HTR2A: variants seen among roughly 807,000 people sequenced by gnomAD.
HTR2A encodes the protein 5-hydroxytryptamine receptor 2A.
In HTR2A, 14 loss-of-function variants were observed where a neutral mutation model predicts 31.0. The ratio of observed to expected loss-of-function variants is 0.45; its 90% CI spans 0.30 to 0.71. The LOEUF is 0.71. Among genes scored for constraint, HTR2A ranks in the 30% least tolerant of loss-of-function variants. The pLI, the probability that HTR2A is intolerant of heterozygous loss-of-function variation, is 0.09. For synonymous variants in HTR2A, 209 were observed against 225.2 expected (o/e 0.93, Z 0.64); for missense variants, 442 against 573.3 (o/e 0.77, Z 2.34).
In HTR2A at chr13:46,834,359, T is replaced by C. The variant is rs1876356439; in HGVS notation, c.*478A>G. 6.5e-6 allele frequency: 1 copy of C among 153,198 alleles called. No individual in the cohort carries two copies. The highest frequency in any genetic ancestry group is 1.5e-5 in the Non-Finnish European group (1 of 68,518). The allele number at this position is 153,198 out of a possible 1,614,324, so 9.5% of individuals were successfully genotyped here. A position where few individuals can be genotyped will look rare whatever the true frequency, so the allele number is the denominator to read the frequency against. ...GACCTTAGTGGCTTTTTTTTTCTCC[T>C]TTCAAAATATATACCATAGTAAGTT... On this transcript the variant is annotated 3_prime_UTR_variant, in exon 4 of 4. Transcript: ENST00000542664.
At chr13:46,873,442 ATT>A in intron 3 of HTR2A, among the ~76,000 whole-genome samples, 2 of 147,470 alleles carry the variant, frequency 1.4e-5, no homozygotes, top group Non-Finnish European at 3.0e-5. Flanking sequence ...TATTATTATT[ATT>A]ATTATTATTA....
chr13:46,858,707 A>G (rs1049150562), intron 3 of HTR2A, among the ~76,000 whole-genome samples: 2 of 152,166 alleles, frequency 1.3e-5, no homozygotes, highest in Admixed American at 6.5e-5. Flanking sequence ...AGGAAGAAGG[A>G]ATGAATTTTA....
intron 3 of HTR2A, among the ~76,000 whole-genome samples, chr13:46,843,323 G>C (rs1292062232): frequency 6.6e-6 from 1 of 152,114 alleles, no homozygotes; most frequent in East Asian, 1.9e-4. Context: ...AGTATATATA[G>C]GGTTCAGTAC....
At chr13:46,862,855 G>A (rs2138216048) in intron 3 of HTR2A, among the ~76,000 whole-genome samples, 1 of 152,258 alleles carries the variant, frequency 6.6e-6, no homozygotes, top group East Asian at 1.9e-4. Context: ...AAAATTATAG[G>A]GGGATAATTA....
rs559628837 is a variant in HTR2A at position 46,866,641 on chromosome 13, C to T, written c.613+25749G>A. ...TAGGAACTGGGGAGTCATCAGTGAA[C>T]TAGACTAAAAACTTCTACCCTCATG... On this transcript the variant is annotated intron_variant, in intron 3 of 3. Coordinates refer to ENST00000542664, the MANE Select transcript of HTR2A (RefSeq NM_000621.5). Among the ~76,000 whole-genome samples, 3 of 152,274 alleles carry T rather than the reference C, an allele frequency of 2.0e-5. No individual in the cohort carries two copies. The South Asian group carries it at 6.2e-4, about 32-fold the overall frequency.
chr13:46,865,292 T>G (rs1950810451), intron 3 of HTR2A, among the ~76,000 whole-genome samples: 3 of 151,584 alleles, frequency 2.0e-5, no homozygotes, highest in Admixed American at 1.3e-4. Flanking sequence ...ATGTGTCAGC[T>G]AGCTGAGAAA....
chr13:46,884,293 CTG>C (rs925967862), intron 3 of HTR2A, among the ~76,000 whole-genome samples: 4 of 152,194 alleles, frequency 2.6e-5, no homozygotes, highest in Admixed American at 6.5e-5. Context: ...CAATTTCAGA[CTG>C]TGGTTAACTG....
At chr13:46,869,462 G>A (rs993104566) in intron 3 of HTR2A, among the ~76,000 whole-genome samples, 1 of 152,110 alleles carries the variant, frequency 6.6e-6, no homozygotes, top group African/African-American at 2.4e-5. Flanking sequence ...CAGAACCCTT[G>A]TACGTTGATG....
chr13:46,888,909 G>C (rs1418612228), intron 3 of HTR2A, among the ~76,000 whole-genome samples: 2 of 152,166 alleles, frequency 1.3e-5, no homozygotes, highest in African/African-American at 4.8e-5. Flanking sequence ...AAAGGGGAAT[G>C]ATGAATTGAC....
Position 46,834,761 on chromosome 13 carries a change from T to G in HTR2A, c.*76A>C. The G allele has an allele frequency of 8.4e-7, 1 of 1,184,468 alleles. No homozygotes were observed. The highest frequency in any genetic ancestry group is 1.2e-6 in the Non-Finnish European group (1 of 844,566). The allele number at this position is 1,184,468 out of a possible 1,614,324, so 73.4% of individuals were successfully genotyped here. ...ACTAGACTTGTCTAATTTTTTCCAA[T>G]CTCATATTTTTTTTTTTCCAGATAG... On this transcript the variant is annotated 3_prime_UTR_variant, in exon 4 of 4. Transcript: ENST00000542664.
chr13:46,862,614 A>T (rs1421884596), intron 3 of HTR2A, among the ~76,000 whole-genome samples: 2 of 152,178 alleles, frequency 1.3e-5, no homozygotes, highest in Non-Finnish European at 2.9e-5. Context: ...CTGGCTGGCC[A>T]CTCGGGAGAT....
At chr13:46,880,628 C>T (rs760149752) in intron 3 of HTR2A, among the ~76,000 whole-genome samples, 1 of 152,068 alleles carries the variant, frequency 6.6e-6, no homozygotes, top group Non-Finnish European at 1.5e-5. Context: ...CTCCTGAGGT[C>T]AGGAGATCGA....
At chr13:46,886,490 CAT>C (rs66493365) in intron 3 of HTR2A, among the ~76,000 whole-genome samples, 29,371 of 151,972 alleles carry the variant, frequency 0.19, 3,368 homozygotes, top group East Asian at 0.34. Context: ...TAAATCTATC[CAT>C]ATGTTACTTG....
At chr13:46,857,029 C>T (rs544425566) in intron 3 of HTR2A, among the ~76,000 whole-genome samples, 4 of 152,110 alleles carry the variant, frequency 2.6e-5, no homozygotes, top group Non-Finnish European at 4.4e-5. Flanking sequence ...TGGCTGGGCG[C>T]GGTGGCTCAC....
chr13:46,891,612 G>A (rs1249851885), intron 3 of HTR2A, among the ~76,000 whole-genome samples: 2 of 152,190 alleles, frequency 1.3e-5, no homozygotes, highest in Non-Finnish European at 2.9e-5. Flanking sequence ...GCCATAAACA[G>A]GTGCAACACT....
intron 3 of HTR2A, among the ~76,000 whole-genome samples, chr13:46,853,608 G>C (rs1239941295): frequency 2.0e-5 from 3 of 152,106 alleles, no homozygotes; most frequent in African/African-American, 7.2e-5. Context: ...CCCAGTCCCA[G>C]CCCTCTCCTG....
chr13:46,864,639 A>G (rs1232997289), intron 3 of HTR2A, among the ~76,000 whole-genome samples: 1 of 152,176 alleles, frequency 6.6e-6, no homozygotes, highest in African/African-American at 2.4e-5. Flanking sequence ...TGTCATTAAG[A>G]TATGAGAAGT....
At chr13:46,838,184 T>A (rs1011106064) in intron 3 of HTR2A, among the ~76,000 whole-genome samples, 3 of 152,232 alleles carry the variant, frequency 2.0e-5, no homozygotes, top group Non-Finnish European at 4.4e-5. Flanking sequence ...CCTGTACTCA[T>A]GTACAAGGTC....
In HTR2A at chr13:46,880,811, C is replaced by T. The variant is rs183509163; in HGVS notation, c.613+11579G>A. Among the ~76,000 whole-genome samples, 178 of 152,082 alleles carry T rather than the reference C, an allele frequency of 1.2e-3. 1 individual carries two copies. The highest frequency in any genetic ancestry group is 3.4e-3 in the Middle Eastern group (1 of 292). On this transcript the variant is annotated intron_variant, in intron 3 of 3. Transcript: ENST00000542664. ...CCAAAATGGTGCCACTGCACTCCAG[C>T]CTGGGTGACAGAGGGAGACTCTGTC...
Sources: gnomAD v4.1 joint callset for allele counts (sites outside exome capture counted in the v4.1 genomes callset) on GRCh38, gnomAD v4.1.1 for gene constraint, MANE v1.5 for transcripts, NCBI Gene and HGNC (gene_info 2026-07-23, HGNC 2026-07-21) for gene names.